The following DISP3 variants were observed in gnomAD, a reference collection of about 807,000 sequenced individuals.
The protein encoded by DISP3 is dispatched RND transporter family member 3, also known as protein dispatched homolog 3.
DISP3 carries 101 observed loss-of-function variants against 135.3 expected under a neutral mutation model. The ratio of observed to expected loss-of-function variants is 0.75; its 90% CI spans 0.64 to 0.88. DISP3 has a LOEUF of 0.88. Ranked by LOEUF, DISP3 falls within the 40% of genes least tolerant of loss-of-function variation. The pLI, the probability that DISP3 is intolerant of heterozygous loss-of-function variation, is 0.00. For synonymous variants in DISP3, 856 were observed against 817.0 expected, an observed-to-expected ratio of 1.05 and a Z score of -0.81; for missense variants, 1,713 against 1,878.6, an observed-to-expected ratio of 0.91 and a Z score of 1.63.
At position 11,529,233 on chromosome 1, in the gene DISP3, AC is replaced by A. The variant is rs1294317887; in HGVS notation, c.2799-318del. 6.6e-6 allele frequency among the ~76,000 whole-genome samples: 1 copy of A among 151,658 alleles called. No individual in the cohort carries two copies. The highest frequency in any genetic ancestry group is 1.5e-5 in the Non-Finnish European group (1 of 67,858). On this transcript the variant is annotated intron_variant, in intron 13 of 20. Coordinates refer to ENST00000294484, the MANE Select transcript of DISP3 (RefSeq NM_020780.2). This position sits in a 1 kb window ranked among gnomAD's most constrained non-coding sequence, Gnocchi z 4.7. ...CTGGGGGTCCCTCCTGAACCCTCGT[AC>A]CCCCGGGGGACAGTTTGAAAGCTGC...
rs1641552886 is a variant in DISP3, at chr1:11,502,036, G to A, written c.1044G>A (p.Arg348=). ...SLMTYFFPTE[R]GGKIYYDGMG... is the part of the protein sequence containing the mutation. ...TGACCTACTTTTTTCCCACCGAGAG[G>A]GGCGGCAAGATCTACTATGACGGCA... Residue 348 remains arginine (R), a synonymous_variant, in exon 2 of 21, where the codon AGG becomes AGA. Transcript: ENST00000294484. 1 of 1,603,222 alleles carries A rather than the reference G, an allele frequency of 6.2e-7. No individual in the cohort carries two copies. The highest frequency in any genetic ancestry group is 1.7e-5 in the Admixed American group (1 of 58,316).
chr1:11,522,682 G>GGGCCC (rs1329091076), intron 10 of DISP3, among the ~76,000 whole-genome samples: 3 of 132,396 alleles, frequency 2.3e-5, no homozygotes, highest in Non-Finnish European at 3.3e-5. Context: ...GACCCAGCCA[G>GGGCCC]AGCCCAGCCA....
chr1:11,529,583 G>T lies in DISP3; in HGVS notation c.2826G>T (p.Lys942Asn). Residue 942 changes from lysine to asparagine, a missense_variant, in exon 14 of 21, where the codon AAG (lysine) becomes AAT (asparagine). By Grantham distance (94) the Lys-to-Asn change is moderately conservative. Transcript: ENST00000294484. This position sits in a 1 kb window ranked among gnomAD's most constrained non-coding sequence, Gnocchi z 4.7. ...TRKLYFAQSH[K>N]PPFHGRVCMA... ...AGCTGTACTTCGCCCAGTCCCACAA[G>T]CCCCCCTTCCACGGGCGCGTATGCA... The T allele has an allele frequency of 6.3e-7, 1 of 1,592,412 alleles. No homozygotes were observed. The highest frequency in any genetic ancestry group is 8.6e-7 in the Non-Finnish European group (1 of 1,165,986).
In DISP3 at chr1:11,536,391, CCAGTGCCCTCACCACGGTCATCGCCA is replaced by C; in HGVS notation, c.3893_3918del (p.Leu1298ProfsTer77). On this transcript the variant is annotated frameshift_variant, in exon 21 of 21. Coordinates refer to ENST00000294484, the MANE Select transcript of DISP3 (RefSeq NM_020780.2). LOFTEE classifies it high-confidence loss of function. The surrounding 1 kb of genome is among the most constrained non-coding windows in gnomAD (Gnocchi z 4.3). ...CGGCACGTGGGCGTGGCCATCGTCT[CCAGTGCCCTCACCACGGTCATCGCCA>C]CAGTGCCCCTCTTCTTCTGCATCAT... 6.2e-7 allele frequency: 1 copy of C among 1,611,482 alleles called. No individual in the cohort carries two copies. The highest frequency in any genetic ancestry group is 8.5e-7 in the Non-Finnish European group (1 of 1,179,948).
chr1:11,506,778 G>A (rs1006713209), intron 3 of DISP3, among the ~76,000 whole-genome samples: 1 of 152,162 alleles, frequency 6.6e-6, no homozygotes, highest in Non-Finnish European at 1.5e-5. Flanking sequence ...GTTCCTGCCT[G>A]TGGGTATACC....
Position 11,516,285 on chromosome 1 carries a change from C to A in DISP3, c.1749+124C>A. Reference sequence around the variant, plus strand: ...TAGCCTTCACCTCAAGGTACTTGCCCTGGCTCTAGAGTTCATTTTTGTCAC... The same window carrying A: ...TAGCCTTCACCTCAAGGTACTTGCCATGGCTCTAGAGTTCATTTTTGTCAC... On this transcript the variant is annotated intron_variant, in intron 6 of 20. Coordinates refer to ENST00000294484, the MANE Select transcript of DISP3 (RefSeq NM_020780.2). This position sits in a 1 kb window ranked among gnomAD's most constrained non-coding sequence, Gnocchi z 5.1. The A allele has an allele frequency of 8.3e-7, 1 of 1,209,106 alleles. No individual in the cohort carries two copies. Among genetic ancestry groups the A allele is most frequent in the East Asian group, 2.5e-5 (1 of 40,728 alleles). The allele number at this position is 1,209,106 out of a possible 1,614,324, so 74.9% of individuals were successfully genotyped here.
chr1:11,498,807 C>T (rs1268738202), intron 1 of DISP3, among the ~76,000 whole-genome samples: 2 of 152,128 alleles, frequency 1.3e-5, no homozygotes, highest in South Asian at 2.1e-4. Context: ...ACAGTTTCTG[C>T]GGTGAGTACT....
rs1308654805 is a variant in DISP3, at chr1:11,516,492, A to G, written c.1749+331A>G. Among the ~76,000 whole-genome samples, 1 of 152,026 alleles carries G rather than the reference A, an allele frequency of 6.6e-6. No homozygotes were observed. The highest frequency in any genetic ancestry group is 1.5e-5 in the Non-Finnish European group (1 of 68,020). ...TTGACAAAGGTACAATTACCATCCT[A>G]TTTTCCAAAAAAGAAACTTGGCCCC... On this transcript the variant is annotated intron_variant, in intron 6 of 20. Transcript: ENST00000294484. This position sits in a 1 kb window ranked among gnomAD's most constrained non-coding sequence, Gnocchi z 5.1.
chr1:11,488,892 A>G (rs572240409), intron 1 of DISP3, among the ~76,000 whole-genome samples: 4 of 152,332 alleles, frequency 2.6e-5, no homozygotes, highest in South Asian at 4.1e-4. Context: ...GAGAAAACCT[A>G]CGCAAAAATG....
At chr1:11,515,640 A>G (rs970816347) in intron 5 of DISP3, 137 bp downstream of exon 5, 3 of 1,333,380 alleles carry the variant, frequency 2.2e-6, no homozygotes, top group Non-Finnish European at 3.0e-6. Context: ...CTTGGAGTGC[A>G]GGGTTAGAAT....
At position 11,511,256 on chromosome 1, in the gene DISP3, C is replaced by A. The variant is rs184373945; in HGVS notation, c.1317-3134C>A. 2.0e-4 allele frequency among the ~76,000 whole-genome samples: 30 copies of A among 152,306 alleles called. 1 individual carries two copies. The East Asian group carries it at 5.0e-3, about 25-fold the overall frequency. On this transcript the variant is annotated intron_variant, in intron 3 of 20. Coordinates refer to ENST00000294484, the MANE Select transcript of DISP3 (RefSeq NM_020780.2). ...AAGTCTTAACTCATTTCAGCATTAA[C>A]CCAAAAGTCCACAGTCCAAAGTCTC... is the stretch of plus-strand genomic sequence containing the variant.
rs1228824936 is a variant in DISP3, at chr1:11,531,087, A to C, written c.3229+54A>C. The C allele has an allele frequency of 6.2e-7, 1 of 1,603,766 alleles. No individual in the cohort carries two copies. The highest frequency in any genetic ancestry group is 1.3e-5 in the African/African-American group (1 of 74,782). Reference sequence around the variant, plus strand: ...CCGAGGGAGGATGGACTGACTGGGGAGGCACAGAGGCCGTGGTCCAAGGTA... The same window carrying C: ...CCGAGGGAGGATGGACTGACTGGGGCGGCACAGAGGCCGTGGTCCAAGGTA... On this transcript the variant is annotated intron_variant, in intron 16 of 20. Coordinates refer to ENST00000294484, the MANE Select transcript of DISP3 (RefSeq NM_020780.2). This position sits in a 1 kb window ranked among gnomAD's most constrained non-coding sequence, Gnocchi z 5.2.
intron 1 of DISP3, among the ~76,000 whole-genome samples, chr1:11,495,224 T>C (rs1641298750): frequency 1.3e-5 from 2 of 152,098 alleles, no homozygotes; most frequent in Admixed American, 6.5e-5. Context: ...ACCCTATCTC[T>C]ACTAAAAAAT....
chr1:11,526,781 G>T lies in DISP3; in HGVS notation c.2744G>T (p.Gly915Val). 6.2e-7 allele frequency: 1 copy of T among 1,612,970 alleles called. No homozygotes were observed. The highest frequency in any genetic ancestry group is 8.5e-7 in the Non-Finnish European group (1 of 1,180,024). Residue 915 changes from glycine to valine, a missense_variant, in exon 13 of 21, where the codon GGC becomes GTC. Coordinates refer to ENST00000294484, the MANE Select transcript of DISP3 (RefSeq NM_020780.2). ...LTTLACDAKR[G>V]WKFDFSFYVA... ...ACCTTGGCCTGTGATGCCAAGCGGG[G>T]CTGGAAGTTTGACTTCAGCTTCTAC...
At chr1:11,526,285 T>C (rs1193452764) in intron 12 of DISP3, among the ~76,000 whole-genome samples, 2 of 152,218 alleles carry the variant, frequency 1.3e-5, no homozygotes. Flanking sequence ...TTTCTCGCCT[T>C]GCCCTCCTCT....
chr1:11,522,160 G>C (rs1446786961), intron 10 of DISP3, among the ~76,000 whole-genome samples: 1 of 152,306 alleles, frequency 6.6e-6, no homozygotes, highest in East Asian at 1.9e-4. Flanking sequence ...GGGGGAGCAG[G>C]CGAAGTCAAC....
Position 11,479,218 on chromosome 1 carries a change from AG to A in DISP3, c.-153del. 6.2e-6 allele frequency: 1 copy of A among 160,320 alleles called. No homozygotes were observed. The allele number at this position is 160,320 out of a possible 1,614,324, so 9.9% of individuals were successfully genotyped here. ...CCGCGGTCTGCTTGCCCTGGAGCGG[AG>A]GGGGAGCCCCAGCCTCCTGCGGCTC... On this transcript the variant is annotated 5_prime_UTR_variant, in exon 1 of 21. Transcript: ENST00000294484.
rs1036302483 is a variant in DISP3 at position 11,529,026 on chromosome 1, G to A, written c.2799-530G>A. On this transcript the variant is annotated intron_variant, in intron 13 of 20. Coordinates refer to ENST00000294484, the MANE Select transcript of DISP3 (RefSeq NM_020780.2). The surrounding 1 kb of genome is among the most constrained non-coding windows in gnomAD (Gnocchi z 4.7). ...GCACAGACACATCAGTGGGCCAGGG[G>A]TCAGGCAGGCTGCCTGGATGAGCTG... Among the ~76,000 whole-genome samples the A allele has an allele frequency of 6.6e-6, 1 of 152,212 alleles. No homozygotes were observed. Among genetic ancestry groups the A allele is most frequent in the Non-Finnish European group, 1.5e-5 (1 of 68,026 alleles).
chr1:11,486,000 A>G (rs547068865), intron 1 of DISP3, among the ~76,000 whole-genome samples: 1 of 152,116 alleles, frequency 6.6e-6, no homozygotes, highest in Non-Finnish European at 1.5e-5. Flanking sequence ...AATCTGGGTA[A>G]TTGTGCATAG....
Sources: gnomAD v4.1 joint callset for allele counts (sites outside exome capture counted in the v4.1 genomes callset) on GRCh38, gnomAD v4.1.1 for gene constraint, Gnocchi (gnomAD v3.1) non-coding constraint, MANE v1.5 for transcripts, NCBI Gene and HGNC (gene_info 2026-07-23, HGNC 2026-07-21) for gene names.